Variants in SLC8A2 observed in about 807,000 individuals in gnomAD.
The protein encoded by SLC8A2 is sodium/calcium exchanger 2.
A neutral mutation model predicts 70.2 loss-of-function variants in SLC8A2; 14 were observed. The ratio of observed to expected loss-of-function variants is 0.20; its 90% CI spans 0.13 to 0.31. The LOEUF (loss-of-function observed/expected upper bound fraction) is 0.31, where lower values mean the gene tolerates loss of function less well. SLC8A2 is among the 10% of genes least tolerant of loss of function. The pLI is 1.00. For missense variants in SLC8A2, 779 were observed against 1,320.1 expected (o/e 0.59, Z 6.35); for synonymous variants, 575 against 594.3 (o/e 0.97, Z 0.47).
At chr19:47,431,316 G>A (rs1034030338) in intron 9 of SLC8A2, among the ~76,000 whole-genome samples, 20 of 151,984 alleles carry the variant, frequency 1.3e-4, no homozygotes, top group African/African-American at 4.6e-4. Flanking sequence ...AAGTGCTGGC[G>A]TGAGCCACCA....
intron 1 of SLC8A2, among the ~76,000 whole-genome samples, chr19:47,471,442 G>A (rs1967538148): frequency 4.0e-5 from 6 of 151,352 alleles, no homozygotes; most frequent in Admixed American, 3.9e-4. Context: ...CCTGAGACAT[G>A]TGGAGAGACA....
rs375396485 is a variant in SLC8A2, at chr19:47,441,274, C to T, written c.1867+63G>A. ...GCTTTAAGGAGTGCCTGCAATTGAG[C>T]CCCTGAAAGTCCCCCGACCCTGGAC... On this transcript the variant is annotated intron_variant, in intron 5 of 9. Transcript: ENST00000236877. The T allele has an allele frequency of 5.1e-4, 814 of 1,580,784 alleles. 4 individuals are homozygous for T. The highest frequency in any genetic ancestry group is 9.7e-5 in the Non-Finnish European group (111 of 1,150,038).
At chr19:47,452,445 A>AGTGTGTGTGT (rs1158828688) in intron 3 of SLC8A2, among the ~76,000 whole-genome samples, 7 of 54,102 alleles carry the variant, frequency 1.3e-4, no homozygotes, top group Admixed American at 5.7e-4. Flanking sequence ...AGAGAGAGAG[A>AGTGTGTGTGT]GTGTGTGTGT....
intron 2 of SLC8A2, among the ~76,000 whole-genome samples, chr19:47,460,939 C>A (rs1443161962): frequency 6.6e-6 from 1 of 151,970 alleles, no homozygotes; most frequent in Non-Finnish European, 1.5e-5. Flanking sequence ...ATGGGCCAGG[C>A]GTGGTGGCTC....
Position 47,468,173 on chromosome 19 carries a change from A to C in SLC8A2, c.-16-1754T>G, listed in dbSNP as rs1599861871. 1.4e-5 allele frequency among the ~76,000 whole-genome samples: 2 copies of C among 144,792 alleles called. No homozygotes were observed. Among genetic ancestry groups the C allele is most frequent in the Admixed American group, 6.8e-5 (1 of 14,626 alleles). The allele number at this position is 144,792 out of a possible 152,430, so 95.0% of individuals were successfully genotyped here. A position where few individuals can be genotyped will look rare whatever the true frequency, so the allele number is the denominator to read the frequency against. ...GACTCCCTCTCTGGCCTCTTTTCCC[A>C]CCCTCTCCCCCTTGCCCAGTCTGCC... On this transcript the variant is annotated intron_variant, in intron 1 of 9. Transcript: ENST00000236877. This position sits in a 1 kb window ranked among gnomAD's most constrained non-coding sequence, Gnocchi z 5.1.
At chr19:47,464,440 G>A in intron 2 of SLC8A2, among the ~76,000 whole-genome samples, 1 of 152,116 alleles carries the variant, frequency 6.6e-6, no homozygotes, top group Admixed American at 6.6e-5. Context: ...GCCTAAGTCA[G>A]GACACCATTC....
Position 47,466,124 on chromosome 19 carries a change from T to A in SLC8A2, c.280A>T (p.Met94Leu). The change falls in exon 2 of 10, where the codon ATG (methionine) becomes TTG (leucine). Residue 94 changes from methionine to leucine, a missense_variant. This residue lies in a region of SLC8A2 where 155 missense variants were observed against 318.6 expected (regional missense o/e 0.49). Transcript: ENST00000236877. The surrounding 1 kb of genome is among the most constrained non-coding windows in gnomAD (Gnocchi z 6.9). Reference protein sequence around the residue: ...LGVSIIADRFMAAIEVITSKE... With the variant: ...LGVSIIADRFLAAIEVITSKE... ...GACGTGATGACCTCGATGGCCGCCA[T>A]GAAACGGTCGGCGATGATGGACACT... is the stretch of plus-strand genomic sequence containing the variant. 6.2e-7 allele frequency: 1 copy of A among 1,614,182 alleles called. No homozygotes were observed.
intron 2 of SLC8A2, among the ~76,000 whole-genome samples, chr19:47,458,382 C>T (rs1158195383): frequency 6.7e-6 from 1 of 149,448 alleles, no homozygotes; most frequent in Non-Finnish European, 1.5e-5. Context: ...CTCCCCACCT[C>T]TTTCTGTCTC....
chr19:47,449,778 G>A (rs973944149), intron 3 of SLC8A2, among the ~76,000 whole-genome samples: 8 of 152,172 alleles, frequency 5.3e-5, no homozygotes, highest in South Asian at 2.1e-4. Context: ...GAGCCAGGAC[G>A]AGAGGGTGGA....
intron 3 of SLC8A2, among the ~76,000 whole-genome samples, chr19:47,452,655 A>T (rs934192461): frequency 6.6e-6 from 1 of 152,124 alleles, no homozygotes; most frequent in African/African-American, 2.4e-5. Context: ...CACAGGACTT[A>T]TGTTTCAGCA....
rs1268829996 is a variant in SLC8A2 at position 47,437,770 on chromosome 19, G to C, written c.2010+79C>G. ...TCTTTGGCTTGATCTTAGGAACCTT[G>C]TGGCTCCCCGCTTTCCGGACCCTCC... On this transcript the variant is annotated intron_variant, in intron 7 of 9. Coordinates refer to ENST00000236877, the MANE Select transcript of SLC8A2 (RefSeq NM_015063.3). 6 of 1,556,188 alleles carry C rather than the reference G, an allele frequency of 3.9e-6. No homozygotes were observed. The African/African-American group carries it at 8.1e-5, about 21-fold the overall frequency.
At position 47,429,909 on chromosome 19, in the gene SLC8A2, G is replaced by A. The variant is rs750006588; in HGVS notation, c.*180C>T. On this transcript the variant is annotated 3_prime_UTR_variant, in exon 10 of 10. Coordinates refer to ENST00000236877, the MANE Select transcript of SLC8A2 (RefSeq NM_015063.3). ...GAGGCTCCCGAGAGGAAGAGGGAAGGCTGAGCTACTGGGGACACAGAACAG... is the reference window on the plus strand; with the variant it reads ...GAGGCTCCCGAGAGGAAGAGGGAAGACTGAGCTACTGGGGACACAGAACAG... 3 of 627,106 alleles carry A rather than the reference G, an allele frequency of 4.8e-6. No individual in the cohort carries two copies. The Admixed American group carries it at 9.3e-5, about 19-fold the overall frequency. The allele number at this position is 627,106 out of a possible 1,614,324, so 38.8% of individuals were successfully genotyped here.
intron 1 of SLC8A2, among the ~76,000 whole-genome samples, chr19:47,469,408 C>A (rs1348048179): frequency 1.3e-5 from 2 of 152,174 alleles, no homozygotes; most frequent in African/African-American, 2.4e-5. Flanking sequence ...CCCGCTCTCT[C>A]TGGGAGGAAG....
intron 2 of SLC8A2, among the ~76,000 whole-genome samples, chr19:47,459,135 T>G (rs1189106851): frequency 1.3e-5 from 2 of 150,834 alleles, no homozygotes; most frequent in Non-Finnish European, 1.5e-5. Flanking sequence ...CCATCTCTTT[T>G]TAACTCTGTC....
chr19:47,428,101 T>C lies in SLC8A2; in HGVS notation c.*1988A>G, dbSNP rs1393168314. 3 of 152,252 alleles carry C rather than the reference T, an allele frequency of 2.0e-5. No homozygotes were observed. Among genetic ancestry groups the C allele is most frequent in the Admixed American group, 1.3e-4 (2 of 15,280 alleles). The allele number at this position is 152,252 out of a possible 1,614,324, so 9.4% of individuals were successfully genotyped here. ...CTCAGGCAAATGAACGTCTCTCTTT[T>C]GTGTTCCCAGGATGCCCATAAAGAG... On this transcript the variant is annotated 3_prime_UTR_variant, in exon 10 of 10. Transcript: ENST00000236877.
Position 47,457,082 on chromosome 19 carries a change from G to A in SLC8A2, c.1188C>T (p.Ile396=), listed in dbSNP as rs1967313900. ...GEDEDDGASR[I]FFEPSLYHCL... ...AGTGGTAGAGGCTAGGCTCGAAGAAGATGCGGCTGGCGCCGTCGTCTTCGT... is the reference window on the plus strand; with the variant it reads ...AGTGGTAGAGGCTAGGCTCGAAGAAAATGCGGCTGGCGCCGTCGTCTTCGT... The change falls in exon 3 of 10, where the codon ATC becomes ATT. Residue 396 remains isoleucine (I), a synonymous_variant. Coordinates refer to ENST00000236877, the MANE Select transcript of SLC8A2 (RefSeq NM_015063.3). The A allele has an allele frequency of 1.3e-6, 2 of 1,578,096 alleles. No individual in the cohort carries two copies. Among genetic ancestry groups the A allele is most frequent in the Non-Finnish European group, 1.7e-6 (2 of 1,162,592 alleles).
In SLC8A2 at chr19:47,447,919, C is replaced by T. The variant is rs1299208514; in HGVS notation, c.1653G>A (p.Ala551=). 1.9e-6 allele frequency: 3 copies of T among 1,568,124 alleles called. No homozygotes were observed. Among genetic ancestry groups the T allele is most frequent in the South Asian group, 1.2e-5 (1 of 86,424 alleles). The change falls in exon 4 of 10, where the codon GCG becomes GCA. Residue 551 remains alanine, a synonymous_variant. Transcript: ENST00000236877. The surrounding 1 kb of genome is among the most constrained non-coding windows in gnomAD (Gnocchi z 5.1). ...VDVRVVRSSG[A]RGTVRLPYRT... ...GGTAGGGAAGGCGCACGGTGCCGCG[C>T]GCGCCCGAGCTGCGCACGACGCGCA... is the stretch of plus-strand genomic sequence containing the variant.
At chr19:47,454,029 C>T (rs549212167) in intron 3 of SLC8A2, among the ~76,000 whole-genome samples, 3 of 152,090 alleles carry the variant, frequency 2.0e-5, no homozygotes, top group Non-Finnish European at 2.9e-5. Flanking sequence ...ACCTGTAGTC[C>T]CAGCTACCTG....
intron 8 of SLC8A2, among the ~76,000 whole-genome samples, chr19:47,435,790 C>T (rs1967021462): frequency 6.6e-6 from 1 of 152,046 alleles, no homozygotes; most frequent in Admixed American, 6.6e-5. Context: ...TCAGGTGATC[C>T]ACCTGCCTCG....
Sources: gnomAD v4.1 joint callset for allele counts (sites outside exome capture counted in the v4.1 genomes callset) on GRCh38, gnomAD v4.1.1 for gene constraint, gnomAD v4.1.1 regional missense constraint, Gnocchi (gnomAD v3.1) non-coding constraint, MANE v1.5 for transcripts, NCBI Gene and HGNC (gene_info 2026-07-23, HGNC 2026-07-21) for gene names.